Variants in FHDC1 observed in about 807,000 individuals in gnomAD.
FHDC1 encodes the protein FH2 domain-containing protein 1.
A neutral mutation model predicts 52.6 loss-of-function variants in FHDC1; 25 were observed. The ratio of observed to expected loss-of-function variants is 0.48; its 90% CI spans 0.35 to 0.66. The LOEUF (loss-of-function observed/expected upper bound fraction) is 0.66. Ranked by LOEUF, FHDC1 falls within the 30% of genes least tolerant of loss-of-function variation. The pLI, the probability that FHDC1 is intolerant of heterozygous loss-of-function variation, is 0.01. For missense variants in FHDC1, 1,459 were observed against 1,452.8 expected, an observed-to-expected ratio of 1.00 and a Z score of -0.07; for synonymous variants, 616 against 581.5, an observed-to-expected ratio of 1.06 and a Z score of -0.85.
the FHDC1 span, among the ~76,000 whole-genome samples, chr4:152,915,301 C>T: frequency 6.6e-6 from 1 of 152,146 alleles, no homozygotes; most frequent in East Asian, 1.9e-4. Context: ...TTAGTAGAGA[C>T]AGGATTTCGC....
At chr4:152,949,090 G>GTAATAA (rs368429472) in intron 2 of FHDC1, among the ~76,000 whole-genome samples, 1,939 of 117,438 alleles carry the variant, frequency 0.017, 33 homozygotes, top group Non-Finnish European at 0.022. Flanking sequence ...CCTTGTCTCA[G>GTAATAA]TAATAATAAT....
chr4:152,938,434 A>C (rs958934324), intron 1 of FHDC1, among the ~76,000 whole-genome samples: 2 of 152,120 alleles, frequency 1.3e-5, no homozygotes, highest in East Asian at 3.9e-4. Flanking sequence ...CGACTGCGTA[A>C]TTGTACCGAC....
intron 2 of FHDC1, among the ~76,000 whole-genome samples, chr4:152,944,517 A>G (rs1267902825): frequency 6.6e-6 from 1 of 152,198 alleles, no homozygotes; most frequent in Non-Finnish European, 1.5e-5. Flanking sequence ...GAGAGTAGGC[A>G]GGGCCCTGGG....
intron 10 of FHDC1, among the ~76,000 whole-genome samples, chr4:152,968,444 G>A: frequency 6.6e-6 from 1 of 152,116 alleles, no homozygotes; most frequent in Non-Finnish European, 1.5e-5. Flanking sequence ...TCCTGCCTCA[G>A]CCTCCCGAGT....
At chr4:152,949,123 A>AGAAGAG (rs1739835332) in intron 2 of FHDC1, among the ~76,000 whole-genome samples, 1 of 50,382 alleles carries the variant, frequency 2.0e-5, no homozygotes, top group Non-Finnish European at 3.8e-5. Flanking sequence ...AATAATAATA[A>AGAAGAG]TAAGAAGAAG....
the FHDC1 span, among the ~76,000 whole-genome samples, chr4:152,913,117 T>C: frequency 1.3e-4 from 20 of 152,368 alleles, no homozygotes; most frequent in Admixed American, 3.3e-4. Context: ...TCAATTCCCC[T>C]TTAAATCCTG....
chr4:152,972,245 C>G (rs916358753), intron 10 of FHDC1, 132 bp from the exon 11 acceptor site: 112 of 890,104 alleles, frequency 1.3e-4, no homozygotes, highest in Non-Finnish European at 1.7e-4. Flanking sequence ...ATTGGCCTTG[C>G]AATAAACCTT....
upstream of FHDC1, among the ~76,000 whole-genome samples, chr4:152,935,532 TTC>T (rs1030523291): frequency 6.6e-6 from 1 of 152,238 alleles, no homozygotes; most frequent in Non-Finnish European, 1.5e-5. Flanking sequence ...ACAGCGTGCG[TTC>T]ATTCGATGAG....
the FHDC1 span, among the ~76,000 whole-genome samples, chr4:152,913,373 T>C: frequency 6.6e-6 from 1 of 152,206 alleles, no homozygotes; most frequent in African/African-American, 2.4e-5. Flanking sequence ...AAATTATGTA[T>C]ATTGAAAAAA....
chr4:152,970,703 C>T (rs1174959206), intron 10 of FHDC1, among the ~76,000 whole-genome samples: 1 of 152,190 alleles, frequency 6.6e-6, no homozygotes, highest in Non-Finnish European at 1.5e-5. Flanking sequence ...CACACACTGC[C>T]TTGGGCTACT....
At position 152,976,265 on chromosome 4, in the gene FHDC1, C is replaced by A. The variant is rs775695946; in HGVS notation, c.2974C>A (p.Leu992Ile). The part of the protein sequence containing the change: ...KKPSAKPLRN[L>I]PRQKPEENKT... ...GCCCAGTGCCAAACCACTCAGGAAC[C>A]TCCCCAGACAGAAGCCTGAGGAAAA... Residue 992 changes from leucine (L) to isoleucine (I), a missense_variant, in exon 12 of 12, where the codon CTC (leucine) becomes ATC (isoleucine). Leu to Ile is a conservative substitution (Grantham distance 5). Transcript: ENST00000511601. 9.3e-6 allele frequency: 15 copies of A among 1,613,416 alleles called. No homozygotes were observed. In the Admixed American group the frequency reaches 2.5e-4, roughly 27 times the overall value.
chr4:152,923,574 A>G, the FHDC1 span, among the ~76,000 whole-genome samples: 2 of 152,208 alleles, frequency 1.3e-5, no homozygotes, highest in Admixed American at 6.5e-5. Context: ...CAAAAGAACA[A>G]AGCTGGAGGC....
chr4:152,930,183 G>T, the FHDC1 span, among the ~76,000 whole-genome samples: 1 of 152,182 alleles, frequency 6.6e-6, no homozygotes, highest in East Asian at 1.9e-4. Flanking sequence ...TGGTGGGGTA[G>T]GTAGGAAGCC....
Position 152,975,872 on chromosome 4 carries a change from G to A in FHDC1, c.2581G>A (p.Ala861Thr). Residue 861 changes from alanine to threonine, a missense_variant, in exon 12 of 12, where the codon GCA (alanine) becomes ACA (threonine). Around this residue, in one of 3 missense-constraint regions of FHDC1, gnomAD observed 939 missense variants for 854.5 expected, o/e 1.10. Coordinates refer to ENST00000511601, the MANE Select transcript of FHDC1 (RefSeq NM_001371116.1). ...DKPTKRKDVVAPKRGSLKEAS... is the reference protein window; with the variant it reads ...DKPTKRKDVVTPKRGSLKEAS... ...ACCCACCAAAAGGAAAGATGTTGTA[G>A]CACCAAAGAGAGGCTCCCTGAAAGA... 6.6e-7 allele frequency: 1 copy of A among 1,515,616 alleles called. No individual in the cohort carries two copies. Among genetic ancestry groups the A allele is most frequent in the Non-Finnish European group, 8.8e-7 (1 of 1,134,064 alleles). 93.9% of individuals were successfully genotyped at this position (1,515,616 alleles called of 1,614,324 possible). A position where few individuals can be genotyped will look rare whatever the true frequency, so the allele number is the denominator to read the frequency against.
At chr4:152,974,495 C>T (rs1329016397) in intron 11 of FHDC1, among the ~76,000 whole-genome samples, 180 bp from the exon 12 acceptor site, 1 of 151,840 alleles carries the variant, frequency 6.6e-6, no homozygotes, top group Non-Finnish European at 1.5e-5. Context: ...TACACACACA[C>T]ACATGCGTAC....
At chr4:152,917,348 T>A in the FHDC1 span, among the ~76,000 whole-genome samples, 1 of 152,212 alleles carries the variant, frequency 6.6e-6, no homozygotes, top group Non-Finnish European at 1.5e-5. Context: ...TATACACTGG[T>A]AATTTTTAAT....
Position 152,943,428 on chromosome 4 carries a change from A to G in FHDC1, c.371A>G (p.Glu124Gly). The G allele has an allele frequency of 6.2e-7, 1 of 1,614,172 alleles. No individual in the cohort carries two copies. The highest frequency in any genetic ancestry group is 8.5e-7 in the Non-Finnish European group (1 of 1,180,024). ...TNIWTLAARQ[E>G]HHYQIDTKTI... ...ATCTGGACCTTGGCAGCCAGGCAGG[A>G]ACATCACTACCAAATTGATACAAAG... Residue 124 changes from glutamate to glycine, a missense_variant, in exon 2 of 12, where the codon GAA becomes GGA. Glu to Gly is a moderately conservative substitution (Grantham distance 98). This residue lies in a region of FHDC1 where 513 missense variants were observed against 581.5 expected (regional missense o/e 0.88). Coordinates refer to ENST00000511601, the MANE Select transcript of FHDC1 (RefSeq NM_001371116.1).
the FHDC1 span, chr4:152,927,420 C>T: frequency 2.5e-6 from 2 of 786,470 alleles, no homozygotes; most frequent in East Asian, 4.8e-5. Context: ...TGCCGGGACT[C>T]TATAGTGGCG....
At chr4:152,939,636 T>C (rs1028853123) in intron 1 of FHDC1, among the ~76,000 whole-genome samples, 2 of 152,174 alleles carry the variant, frequency 1.3e-5, no homozygotes, top group South Asian at 2.1e-4. Context: ...TGAAAGATGC[T>C]CAACTGAGCT....
Sources: allele counts gnomAD v4.1 joint callset (sites outside exome capture counted in the v4.1 genomes callset), GRCh38; gene constraint gnomAD v4.1.1; regional missense constraint gnomAD v4.1.1; transcripts MANE v1.5; gene names NCBI Gene and HGNC (gene_info 2026-07-23, HGNC 2026-07-21).